Variants in CTNNA2 observed in about 807,000 individuals in gnomAD.
CTNNA2 encodes catenin alpha-2.
CTNNA2 carries 42 observed loss-of-function variants against 101.0 expected under a neutral mutation model. The ratio of observed to expected loss-of-function variants is 0.42; its 90% CI spans 0.32 to 0.54. CTNNA2 has a LOEUF of 0.54. CTNNA2 is among the 20% of genes least tolerant of loss of function. The pLI is 0.14. For synonymous variants in CTNNA2, 450 were observed against 456.4 expected (o/e 0.99, Z 0.18); for missense variants, 871 against 1,223.1 (o/e 0.71, Z 4.29).
At chr2:79,988,139 G>T (rs753778281) in intron 7 of CTNNA2, among the ~76,000 whole-genome samples, 31 of 152,194 alleles carry the variant, frequency 2.0e-4, no homozygotes, top group African/African-American at 5.5e-4. Context: ...ATTTCATTTT[G>T]TGGAGGTTAA....
intron 7 of CTNNA2, among the ~76,000 whole-genome samples, chr2:80,354,781 C>A (rs1673623549): frequency 6.6e-6 from 1 of 152,062 alleles, no homozygotes; most frequent in East Asian, 1.9e-4. Context: ...TTCTCAAACT[C>A]AGGTGCTAAA....
chr2:79,612,293 T>G (rs1023111054), intron 1 of CTNNA2, among the ~76,000 whole-genome samples: 3 of 152,206 alleles, frequency 2.0e-5, no homozygotes, highest in Non-Finnish European at 4.4e-5. Flanking sequence ...TTTGCTTTAC[T>G]GTCAACTAAG....
intron 4 of CTNNA2, among the ~76,000 whole-genome samples, chr2:79,388,505 T>G (rs1166779371): frequency 1.3e-5 from 2 of 152,206 alleles, no homozygotes; most frequent in Non-Finnish European, 2.9e-5. Context: ...ACATATGTAT[T>G]TAAAAGTTAA....
intron 7 of CTNNA2, among the ~76,000 whole-genome samples, chr2:80,062,605 G>T (rs1697674383): frequency 6.6e-6 from 1 of 151,796 alleles, no homozygotes; most frequent in African/African-American, 2.4e-5. Context: ...TCATTTTGAG[G>T]ATATGGGATC....
chr2:79,205,187 A>G (rs987022786), intron 2 of CTNNA2, among the ~76,000 whole-genome samples: 1 of 152,102 alleles, frequency 6.6e-6, no homozygotes, highest in Non-Finnish European at 1.5e-5. Context: ...GCTTCCATAT[A>G]AAAAAATAAG....
At chr2:80,345,687 A>G (rs897748102) in intron 7 of CTNNA2, among the ~76,000 whole-genome samples, 2 of 152,198 alleles carry the variant, frequency 1.3e-5, no homozygotes, top group Non-Finnish European at 1.5e-5. Context: ...GAATGACTCA[A>G]TAGTTCTTAA....
chr2:79,397,091 T>C (rs1265280858), intron 4 of CTNNA2, among the ~76,000 whole-genome samples: 1 of 152,180 alleles, frequency 6.6e-6, no homozygotes, highest in Admixed American at 6.6e-5. Context: ...CATATTTTTA[T>C]TGATATACTA....
chr2:80,213,837 A>G (rs150676228), intron 7 of CTNNA2, among the ~76,000 whole-genome samples: 4,485 of 152,064 alleles, frequency 0.029, 233 homozygotes, highest in African/African-American at 0.1. Context: ...CATTATTATT[A>G]TGTGGGAGTC....
intron 2 of CTNNA2, among the ~76,000 whole-genome samples, chr2:79,692,574 C>T (rs1684376032): frequency 6.6e-6 from 1 of 151,984 alleles, no homozygotes; most frequent in Non-Finnish European, 1.5e-5. Flanking sequence ...CACATGCACA[C>T]ATATGTTTAT....
At chr2:79,525,510 C>T (rs1197772230) in intron 1 of CTNNA2, among the ~76,000 whole-genome samples, 1 of 151,812 alleles carries the variant, frequency 6.6e-6, no homozygotes, top group African/African-American at 2.4e-5. Flanking sequence ...TAGGTTGGTG[C>T]AAAAGTAATT....
intron 7 of CTNNA2, among the ~76,000 whole-genome samples, chr2:80,066,124 A>G (rs951464818): frequency 6.6e-6 from 1 of 152,198 alleles, no homozygotes; most frequent in Non-Finnish European, 1.5e-5. Context: ...AATTACCCTC[A>G]CATTGAGTAG....
At chr2:80,419,401 T>C (rs200870374) in intron 8 of CTNNA2, 48 bp from the exon 9 acceptor site, 3 of 1,507,782 alleles carry the variant, frequency 2.0e-6, no homozygotes, top group Non-Finnish European at 2.7e-6. Flanking sequence ...TGGGCAATTA[T>C]ACTATTTCTT....
chr2:80,450,290 G>A (rs1425364657), intron 9 of CTNNA2, among the ~76,000 whole-genome samples: 1 of 151,814 alleles, frequency 6.6e-6, no homozygotes, highest in East Asian at 1.9e-4. Context: ...AAATTTCCTT[G>A]TTGTAACCAT....
chr2:80,269,221 G>A (rs1423053241), intron 7 of CTNNA2, among the ~76,000 whole-genome samples: 1 of 152,168 alleles, frequency 6.6e-6, no homozygotes, highest in Admixed American at 6.5e-5. Flanking sequence ...TCTTGTGGGA[G>A]GTAATTGCAT....
At chr2:79,186,854 A>G (rs550773009) in intron 1 of CTNNA2, among the ~76,000 whole-genome samples, 2 of 152,344 alleles carry the variant, frequency 1.3e-5, no homozygotes, top group South Asian at 4.1e-4. Flanking sequence ...ATTGCGCATG[A>G]AAGCAACCAT....
intron 2 of CTNNA2, among the ~76,000 whole-genome samples, chr2:79,198,379 AACAT>A (rs1251147512): frequency 6.6e-6 from 1 of 152,238 alleles, no homozygotes; most frequent in Non-Finnish European, 1.5e-5. Context: ...ACAACAAAAC[AACAT>A]GAAGTTGTAT....
chr2:79,339,205 G>A (rs992305083), intron 3 of CTNNA2, among the ~76,000 whole-genome samples: 17 of 152,100 alleles, frequency 1.1e-4, no homozygotes, highest in African/African-American at 3.9e-4. Flanking sequence ...AGTTGGCTAA[G>A]AACAGTAAGA....
intron 7 of CTNNA2, among the ~76,000 whole-genome samples, chr2:80,149,861 C>T (rs554261776): frequency 6.6e-6 from 1 of 151,534 alleles, no homozygotes; most frequent in African/African-American, 2.4e-5. Flanking sequence ...ACCCAAGATG[C>T]AAATGTTTAG....
intron 2 of CTNNA2, among the ~76,000 whole-genome samples, chr2:79,245,653 T>C (rs891737882): frequency 4.9e-4 from 74 of 152,200 alleles, no homozygotes; most frequent in African/African-American, 1.7e-3. Flanking sequence ...GGAAATAAAA[T>C]TGTGGCTTAC....
Sources: allele counts gnomAD v4.1 joint callset (sites outside exome capture counted in the v4.1 genomes callset), GRCh38; gene constraint gnomAD v4.1.1; transcripts MANE v1.5; gene names NCBI Gene and HGNC (gene_info 2026-07-23, HGNC 2026-07-21).